MROH1: variants seen among roughly 807,000 people sequenced by gnomAD.
MROH1 encodes maestro heat-like repeat-containing protein family member 1.
In MROH1, 117 loss-of-function variants were observed where a neutral mutation model predicts 116.5. That is an observed-to-expected ratio of 1.00 (90% CI 0.86 to 1.17). MROH1 has a LOEUF of 1.17. Among genes scored for constraint, MROH1 ranks in the 50% most tolerant of loss-of-function variants. The probability of loss-of-function intolerance (pLI) is 0.00; values close to 1 mark genes in which losing one functional copy is unlikely to be tolerated. For missense variants in MROH1, 1,873 were observed against 1,338.5 expected, an observed-to-expected ratio of 1.40 and a Z score of -6.23; for synonymous variants, 921 against 583.9, an observed-to-expected ratio of 1.58 and a Z score of -8.32.
At chr8:144,208,105 C>T (rs185252213) in intron 12 of MROH1, among the ~76,000 whole-genome samples, 128 of 152,088 alleles carry the variant, frequency 8.4e-4, no homozygotes, top group African/African-American at 3.0e-3. Context: ...GCCATCACAC[C>T]GGCTAATTTT....
chr8:144,148,071 C>T lies in MROH1; in HGVS notation c.-182C>T, dbSNP rs1375692123. 6.6e-6 allele frequency: 1 copy of T among 152,332 alleles called. No individual in the cohort carries two copies. The highest frequency in any genetic ancestry group is 2.4e-5 in the African/African-American group (1 of 41,440). The allele number at this position is 152,332 out of a possible 1,614,324, so 9.4% of individuals were successfully genotyped here. A position where few individuals can be genotyped will look rare whatever the true frequency, so the allele number is the denominator to read the frequency against. ...CGCCCCGGCCGAGGTGGCGGCGGCT[C>T]CTCAGGTAAACGGCGGGTGGGGATG... On this transcript the variant is annotated 5_prime_UTR_variant, in exon 1 of 44. Coordinates refer to ENST00000326134, the MANE Select transcript of MROH1 (RefSeq NM_032450.3).
At position 144,167,432 on chromosome 8, in the gene MROH1, T is replaced by TG. The variant is rs548698368; in HGVS notation, c.23-860dup. Among the ~76,000 whole-genome samples, 86 of 56,170 alleles carry TG rather than the reference T, an allele frequency of 1.5e-3. 11 individuals carry two copies. Among genetic ancestry groups the TG allele is most frequent in the African/African-American group, 0.011 (81 of 7,342 alleles). The allele number at this position is 56,170 out of a possible 152,430, so 36.8% of individuals were successfully genotyped here. On this transcript the variant is annotated intron_variant, in intron 3 of 43. Transcript: ENST00000326134. ...TTGTTGGGGTGGAGTGGCCGGTTGT[T>TG]GGGTGGAGTGGCCGGTTGTTGTGGT...
intron 12 of MROH1, among the ~76,000 whole-genome samples, chr8:144,204,969 A>G (rs1416714625): frequency 6.6e-6 from 1 of 152,220 alleles, no homozygotes; most frequent in African/African-American, 2.4e-5. Flanking sequence ...TTATACCCCA[A>G]TTTATACCCC....
At chr8:144,217,456 T>C (rs1248812556) in intron 12 of MROH1, among the ~76,000 whole-genome samples, 1 of 152,218 alleles carries the variant, frequency 6.6e-6, no homozygotes, top group Admixed American at 6.5e-5. Flanking sequence ...CCCCAAAATC[T>C]GAAACACATC....
chr8:144,189,367 G>A lies in MROH1; in HGVS notation c.563-1417G>A, dbSNP rs562539374. Among the ~76,000 whole-genome samples, 3 of 152,314 alleles carry A rather than the reference G, an allele frequency of 2.0e-5. No homozygotes were observed. In the South Asian group the frequency reaches 6.2e-4, roughly 32 times the overall value. On this transcript the variant is annotated intron_variant, in intron 7 of 43. Transcript: ENST00000326134. ...GGTCCTCAGCAGGGCTGTGTGAAAG[G>A]TGCTGGCCTCAGTTTATCTCCCTGT...
intron 14 of MROH1, among the ~76,000 whole-genome samples, chr8:144,229,567 G>GT (rs1042074896): frequency 3.2e-4 from 49 of 151,754 alleles, no homozygotes; most frequent in African/African-American, 1.1e-3. Flanking sequence ...GTTTTGTCTT[G>GT]TTTTTTTAAA....
chr8:144,193,602 A>C (rs1178624631), intron 10 of MROH1, among the ~76,000 whole-genome samples: 2 of 151,986 alleles, frequency 1.3e-5, no homozygotes, highest in African/African-American at 2.4e-5. Context: ...TTATTCATTT[A>C]TTTATTTATT....
chr8:144,255,089 T>C (rs1843465913), intron 34 of MROH1, 111 bp downstream of exon 34: 2 of 627,636 alleles, frequency 3.2e-6, no homozygotes, highest in East Asian at 5.5e-5. Flanking sequence ...CACAGGCACC[T>C]GGAGGCAGCA....
chr8:144,162,708 TTTTC>T (rs747164261), intron 2 of MROH1, among the ~76,000 whole-genome samples: 4 of 149,338 alleles, frequency 2.7e-5, no homozygotes, highest in Non-Finnish European at 3.0e-5. Context: ...ATGATGTCTT[TTTTC>T]TTTCTTTCTT....
chr8:144,174,996 C>T, intron 4 of MROH1: 1 of 985,394 alleles, frequency 1.0e-6, no homozygotes, highest in South Asian at 4.7e-5. Context: ...TATTGTTTTC[C>T]TCTGGAAAAA....
chr8:144,258,969 C>A, intron 36 of MROH1, 55 bp downstream of exon 36: 1 of 680,212 alleles, frequency 1.5e-6, no homozygotes, highest in Non-Finnish European at 2.7e-6. Context: ...CACCGGATCT[C>A]GAGCCCAGAA....
At chr8:144,194,196 G>A (rs981173590) in intron 10 of MROH1, among the ~76,000 whole-genome samples, 2 of 151,946 alleles carry the variant, frequency 1.3e-5, no homozygotes, top group African/African-American at 4.8e-5. Context: ...CCAAGTAGCT[G>A]TGGTTACAGG....
chr8:144,219,913 C>T (rs189532955), intron 12 of MROH1, among the ~76,000 whole-genome samples: 5 of 152,316 alleles, frequency 3.3e-5, no homozygotes, highest in South Asian at 4.1e-4. Context: ...TTTGCTGCTC[C>T]GCAGTCCCTG....
rs148533088 is a variant in MROH1, at chr8:144,222,907, G to C, written c.1216-201G>C. On this transcript the variant is annotated intron_variant, in intron 13 of 43. Coordinates refer to ENST00000326134, the MANE Select transcript of MROH1 (RefSeq NM_032450.3). ...GTGGGTGCAGGTAGATCCAGGTACA[G>C]ATGTGGAGGTAGGTCCAGGTACAGG... Among the ~76,000 whole-genome samples the C allele has an allele frequency of 2.3e-3, 356 of 151,758 alleles. 2 individuals are homozygous for C. The highest frequency in any genetic ancestry group is 8.3e-3 in the African/African-American group (345 of 41,366).
At chr8:144,149,870 G>C (rs1399780541) in intron 1 of MROH1, among the ~76,000 whole-genome samples, 3 of 152,076 alleles carry the variant, frequency 2.0e-5, no homozygotes, top group South Asian at 2.1e-4. Context: ...GTTCTCGGTG[G>C]ACTGTGAGCA....
At chr8:144,159,592 G>A (rs930343088) in intron 1 of MROH1, among the ~76,000 whole-genome samples, 1 of 151,938 alleles carries the variant, frequency 6.6e-6, no homozygotes, top group African/African-American at 2.4e-5. Context: ...TTTTAACCTC[G>A]TAGTGTTAAC....
At chr8:144,176,758 G>A (rs773032894) in intron 4 of MROH1, among the ~76,000 whole-genome samples, 17 of 150,844 alleles carry the variant, frequency 1.1e-4, no homozygotes, top group African/African-American at 2.0e-4. Flanking sequence ...GAACTCGGAA[G>A]GCGGAGGTTG....
At chr8:144,246,026 CCTCA>C (rs1395969120) in intron 29 of MROH1, among the ~76,000 whole-genome samples, 3 of 114,714 alleles carry the variant, frequency 2.6e-5, no homozygotes, top group South Asian at 6.4e-4. Context: ...TCCCTCCCTC[CCTCA>C]CCTCCCTCCC....
chr8:144,213,313 G>A (rs1230424792), intron 12 of MROH1: 1 of 486,276 alleles, frequency 2.1e-6, no homozygotes, highest in East Asian at 3.0e-5. Context: ...CCTCATGCTT[G>A]CTGATCATAG....
Sources: allele counts gnomAD v4.1 joint callset (sites outside exome capture counted in the v4.1 genomes callset), GRCh38; gene constraint gnomAD v4.1.1; transcripts MANE v1.5; gene names NCBI Gene and HGNC (gene_info 2026-07-23, HGNC 2026-07-21).